Variants in EVI5 observed in about 807,000 individuals in gnomAD.
EVI5 encodes ecotropic viral integration site 5 protein homolog.
In EVI5, 73 loss-of-function variants were observed where a neutral mutation model predicts 112.0. The ratio of observed to expected loss-of-function variants is 0.65; its 90% confidence interval spans 0.54 to 0.79. EVI5 has a LOEUF of 0.79. Among genes scored for constraint, EVI5 ranks in the 30% least tolerant of loss-of-function variants. The pLI, the probability that EVI5 is intolerant of heterozygous loss-of-function variation, is 0.00. For synonymous variants in EVI5, 305 were observed against 319.9 expected (o/e 0.95, Z 0.50); for missense variants, 900 against 968.8 (o/e 0.93, Z 0.94).
At chr1:92,528,670 T>C (rs368395683) in intron 19 of EVI5, among the ~76,000 whole-genome samples, 1 of 152,230 alleles carries the variant, frequency 6.6e-6, no homozygotes, top group East Asian at 1.9e-4. Flanking sequence ...AATCTCAGCA[T>C]TGAGTGAAAG....
chr1:92,777,080 G>A (rs751055278), intron 1 of EVI5, among the ~76,000 whole-genome samples: 17 of 152,064 alleles, frequency 1.1e-4, no homozygotes, highest in Non-Finnish European at 2.5e-4. Flanking sequence ...GGGATTACAG[G>A]TGTGAACCAC....
At chr1:92,601,628 T>C (rs953106533) in intron 18 of EVI5, among the ~76,000 whole-genome samples, 2 of 152,094 alleles carry the variant, frequency 1.3e-5, no homozygotes, top group Non-Finnish European at 2.9e-5. Context: ...AAACACTACA[T>C]GATCTCACAT....
At chr1:92,599,793 G>A (rs986758982) in intron 18 of EVI5, among the ~76,000 whole-genome samples, 4 of 152,148 alleles carry the variant, frequency 2.6e-5, no homozygotes, top group Non-Finnish European at 5.9e-5. Context: ...AATTCACAGT[G>A]GGCAGAATAC....
In EVI5 at chr1:92,611,128, C is replaced by CA. The variant is rs35864378; in HGVS notation, c.1828-3402dup. Among the ~76,000 whole-genome samples the CA allele has an allele frequency of 1.5e-3, 218 of 149,216 alleles. 1 individual carries two copies. The highest frequency in any genetic ancestry group is 0.01 in the Middle Eastern group (3 of 290). On this transcript the variant is annotated intron_variant, in intron 16 of 19. Transcript: ENST00000684568. ...ATAAAAATAAAAAAATAAATCCCCCCAAAAAAAAGAAATAAAAGATATAAA... is the reference window on the plus strand; with the variant it reads ...ATAAAAATAAAAAAATAAATCCCCCCAAAAAAAAAGAAATAAAAGATATAAA...
intron 19 of EVI5, among the ~76,000 whole-genome samples, chr1:92,538,391 T>G (rs149950737): frequency 1.2e-4 from 19 of 152,172 alleles, no homozygotes; most frequent in Middle Eastern, 3.2e-3. Flanking sequence ...TTCAGCAAAA[T>G]GAAGCATTTA....
chr1:92,652,178 G>C (rs1199686532), intron 13 of EVI5, among the ~76,000 whole-genome samples: 1 of 152,158 alleles, frequency 6.6e-6, no homozygotes, highest in African/African-American at 2.4e-5. Context: ...AAATGAATGA[G>C]ATTCTGATAC....
chr1:92,576,266 A>G (rs1055262365), intron 18 of EVI5, among the ~76,000 whole-genome samples: 2 of 152,210 alleles, frequency 1.3e-5, no homozygotes, highest in Admixed American at 1.3e-4. Flanking sequence ...ATTAGTTAAC[A>G]TACATATTTT....
At chr1:92,600,881 T>A (rs1339675825) in intron 18 of EVI5, among the ~76,000 whole-genome samples, 1 of 152,126 alleles carries the variant, frequency 6.6e-6, no homozygotes, top group Non-Finnish European at 1.5e-5. Context: ...GCCATGTAAG[T>A]GAGACCCTTC....
At chr1:92,767,906 A>G (rs4847335) in intron 1 of EVI5, among the ~76,000 whole-genome samples, 1 of 152,004 alleles carries the variant, frequency 6.6e-6, no homozygotes, top group Non-Finnish European at 1.5e-5. Context: ...GTGGCGAAAC[A>G]CTGTCTCTAC....
At chr1:92,780,085 G>A (rs558132528) in intron 1 of EVI5, among the ~76,000 whole-genome samples, 2 of 152,216 alleles carry the variant, frequency 1.3e-5, no homozygotes, top group South Asian at 4.1e-4. Context: ...TGAATCAAAG[G>A]GGCAATTTCC....
At chr1:92,716,959 A>C (rs1016763746) in intron 2 of EVI5, among the ~76,000 whole-genome samples, 2 of 152,174 alleles carry the variant, frequency 1.3e-5, no homozygotes, top group African/African-American at 4.8e-5. Flanking sequence ...AATAGGCTTC[A>C]GAAGGTCAGT....
chr1:92,625,898 T>C lies in EVI5; in HGVS notation c.1564A>G (p.Arg522Gly), dbSNP rs755785410. 6.2e-7 allele frequency: 1 copy of C among 1,608,624 alleles called. No individual in the cohort carries two copies. Among genetic ancestry groups the C allele is most frequent in the African/African-American group, 1.3e-5 (1 of 74,916 alleles). ...NSLPDENNIA[R>G]LQEELIAVKL... is the part of the protein sequence containing the mutation. ...ACAGCAATGAGTTCTTCCTGAAGCC[T>C]TGCAATATTATTCTCATCAGGAAGG... Residue 522 changes from arginine (R) to glycine (G), a missense_variant, in exon 15 of 20, where the codon AGG (arginine) becomes GGG (glycine). By Grantham distance (125) the Arg-to-Gly change is moderately radical. Coordinates refer to ENST00000684568, the MANE Select transcript of EVI5 (RefSeq NM_001350197.2).
intron 1 of EVI5, among the ~76,000 whole-genome samples, chr1:92,780,907 A>C (rs1489030584): frequency 6.6e-6 from 1 of 150,978 alleles, no homozygotes; most frequent in Non-Finnish European, 1.5e-5. Flanking sequence ...GCTAGAGTGC[A>C]ATGGCACAAT....
chr1:92,750,163 G>C (rs1679956061), intron 1 of EVI5, among the ~76,000 whole-genome samples: 1 of 152,062 alleles, frequency 6.6e-6, no homozygotes, highest in Admixed American at 6.6e-5. Flanking sequence ...TATCCAAGTG[G>C]AACTTATAGA....
intron 19 of EVI5, among the ~76,000 whole-genome samples, chr1:92,561,933 G>C (rs1194419092): frequency 2.0e-5 from 3 of 152,020 alleles, no homozygotes; most frequent in Non-Finnish European, 2.9e-5. Context: ...CCCACACCTG[G>C]TCAGAATATC....
chr1:92,536,496 G>A (rs533017208), intron 19 of EVI5, among the ~76,000 whole-genome samples: 10 of 152,236 alleles, frequency 6.6e-5, no homozygotes, highest in African/African-American at 2.2e-4. Context: ...GCTATTCCAC[G>A]CAAGTTATCA....
chr1:92,786,615 C>G (rs1685659134), upstream of EVI5, among the ~76,000 whole-genome samples: 1 of 152,168 alleles, frequency 6.6e-6, no homozygotes, highest in Admixed American at 6.6e-5. Flanking sequence ...GGAGGGATTA[C>G]TGACCTAGTC....
At chr1:92,782,784 G>C (rs1225915263) in intron 1 of EVI5, among the ~76,000 whole-genome samples, 1 of 152,038 alleles carries the variant, frequency 6.6e-6, no homozygotes, top group Non-Finnish European at 1.5e-5. Flanking sequence ...GATCTTTGGT[G>C]GTTCACTTAG....
At chr1:92,671,805 T>TC (rs71091295) in intron 10 of EVI5, among the ~76,000 whole-genome samples, 1 of 21,052 alleles carries the variant, frequency 4.8e-5, no homozygotes, top group Non-Finnish European at 1.1e-4. Context: ...CACCATCATC[T>TC]TTTTTTTTTT....
Sources: allele counts gnomAD v4.1 joint callset (sites outside exome capture counted in the v4.1 genomes callset), GRCh38; gene constraint gnomAD v4.1.1; transcripts MANE v1.5; gene names NCBI Gene and HGNC (gene_info 2026-07-23, HGNC 2026-07-21).